Variants in KCNA6 observed in about 807,000 individuals in gnomAD.
KCNA6 encodes human brain potassium channel-2.
A neutral mutation model predicts 29.5 loss-of-function variants in KCNA6; 17 were observed. The observed-to-expected ratio is 0.58, with a 90% CI of 0.39 to 0.86. KCNA6 has a LOEUF of 0.86. Ranked by LOEUF, KCNA6 falls within the 40% of genes least tolerant of loss-of-function variation. The pLI is 0.00. For synonymous variants in KCNA6, 296 were observed against 304.7 expected (o/e 0.97, Z 0.30); for missense variants, 450 against 703.4 (o/e 0.64, Z 4.07).
At chr12:4,843,872 G>A in the KCNA6 span, among the ~76,000 whole-genome samples, 1 of 152,072 alleles carries the variant, frequency 6.6e-6, no homozygotes, top group Non-Finnish European at 1.5e-5. Flanking sequence ...CCATTACCCA[G>A]TCACCTCCCA....
downstream of KCNA6, among the ~76,000 whole-genome samples, chr12:4,816,844 C>A (rs139932930): frequency 6.6e-6 from 1 of 152,072 alleles, no homozygotes; most frequent in Non-Finnish European, 1.5e-5. Flanking sequence ...TTCAATGATT[C>A]TCTCCCAGAC....
the KCNA6 span, among the ~76,000 whole-genome samples, chr12:4,819,110 G>A: frequency 0.22 from 33,708 of 151,942 alleles, 3,771 homozygotes; most frequent in South Asian, 0.33. Flanking sequence ...ATATACCCAC[G>A]TATATACACA....
the KCNA6 span, among the ~76,000 whole-genome samples, chr12:4,841,661 A>T: frequency 3.9e-5 from 6 of 152,236 alleles, no homozygotes; most frequent in African/African-American, 9.6e-5. Flanking sequence ...CCGGCATAGA[A>T]ACTCATACAA....
At chr12:4,825,819 T>C in the KCNA6 span, among the ~76,000 whole-genome samples, 2 of 152,268 alleles carry the variant, frequency 1.3e-5, no homozygotes, top group Non-Finnish European at 2.9e-5. Context: ...ACAGCTCTGA[T>C]GCACTCTGCC....
At chr12:4,834,350 G>T in the KCNA6 span, among the ~76,000 whole-genome samples, 1 of 152,164 alleles carries the variant, frequency 6.6e-6, no homozygotes, top group Admixed American at 6.5e-5. Flanking sequence ...GGGTGCAGAA[G>T]AAGAAACTTA....
rs759476915 is a variant in KCNA6, at chr12:4,810,503, G to C, written c.462G>C (p.Gln154His). Residue 154 changes from glutamine to histidine, a missense_variant, in exon 1 of 1, where the codon CAG becomes CAC. By Grantham distance (24) the Gln-to-His change is conservative. This residue lies in a region of KCNA6 where 133 missense variants were observed against 217.5 expected (regional missense o/e 0.61). Coordinates refer to ENST00000280684, the Ensembl canonical transcript of KCNA6. This position sits in a 1 kb window ranked among gnomAD's most constrained non-coding sequence, Gnocchi z 7.5. ...AGGACGAGAAGCCGCTGCCCTCCCA[G>C]CCCTTCCAGCGCCAGGTGTGGCTGC... 6.2e-7 allele frequency: 1 copy of C among 1,614,176 alleles called. No homozygotes were observed. The highest frequency in any genetic ancestry group is 2.2e-5 in the East Asian group (1 of 44,858).
the KCNA6 span, among the ~76,000 whole-genome samples, chr12:4,832,963 G>A: frequency 6.6e-6 from 1 of 152,102 alleles, no homozygotes; most frequent in Non-Finnish European, 1.5e-5. Context: ...TACGTCTTAA[G>A]TGTAGTTGGG....
chr12:4,833,117 G>T, the KCNA6 span, among the ~76,000 whole-genome samples: 3 of 152,104 alleles, frequency 2.0e-5, no homozygotes, highest in African/African-American at 7.2e-5. Flanking sequence ...CTTGAGGAAG[G>T]ACAGCTTCAG....
the KCNA6 span, among the ~76,000 whole-genome samples, chr12:4,824,052 C>G: frequency 6.6e-6 from 1 of 152,154 alleles, no homozygotes; most frequent in South Asian, 2.1e-4. Context: ...CTGTGTGACC[C>G]GGGGAGAGTT....
At chr12:4,827,386 G>A in the KCNA6 span, among the ~76,000 whole-genome samples, 4 of 151,988 alleles carry the variant, frequency 2.6e-5, no homozygotes, top group Non-Finnish European at 5.9e-5. Flanking sequence ...CCTTGGTTTT[G>A]GCCGTTTCAA....
chr12:4,824,044 G>T, the KCNA6 span, among the ~76,000 whole-genome samples: 1 of 152,174 alleles, frequency 6.6e-6, no homozygotes, highest in Non-Finnish European at 1.5e-5. Context: ...GTGTCTGCCT[G>T]TGTGACCCGG....
Position 4,811,790 on chromosome 12 carries a change from T to A in KCNA6, c.*159T>A. On this transcript the variant is annotated 3_prime_UTR_variant, in exon 1 of 1. Transcript: ENST00000280684. This position sits in a 1 kb window ranked among gnomAD's most constrained non-coding sequence, Gnocchi z 7.1. Reference sequence around the variant, plus strand: ...GGACCAAATACCTGGACTATCAACCTTGTTGCTTAATCCCTGCAGCATTCA... The same window carrying A: ...GGACCAAATACCTGGACTATCAACCATGTTGCTTAATCCCTGCAGCATTCA... 1 of 802,838 alleles carries A rather than the reference T, an allele frequency of 1.2e-6. No homozygotes were observed. The allele number at this position is 802,838 out of a possible 1,614,324, so 49.7% of individuals were successfully genotyped here.
rs137877791 is a variant in KCNA6, at chr12:4,810,761, T to A, written c.720T>A (p.Pro240=). The change falls in exon 1 of 1, where the codon CCT becomes CCA. Residue 240 remains proline (P), a synonymous_variant. Transcript: ENST00000280684. This position sits in a 1 kb window ranked among gnomAD's most constrained non-coding sequence, Gnocchi z 7.5. Reference sequence around the variant, plus strand: ...ACACATTTCATCATGGCATCACCCCTGGGGAAATGGGGACCGGGGGCTCCT... The same window carrying A: ...ACACATTTCATCATGGCATCACCCCAGGGGAAATGGGGACCGGGGGCTCCT... 6.2e-7 allele frequency: 1 copy of A among 1,600,762 alleles called. No homozygotes were observed. Among genetic ancestry groups the A allele is most frequent in the Non-Finnish European group, 8.5e-7 (1 of 1,173,698 alleles).
the KCNA6 span, among the ~76,000 whole-genome samples, chr12:4,847,183 T>C: frequency 6.6e-6 from 1 of 152,028 alleles, no homozygotes; most frequent in East Asian, 1.9e-4. Flanking sequence ...ACCACCCCCA[T>C]TGTCTTCTAG....
At chr12:4,830,084 C>T in the KCNA6 span, among the ~76,000 whole-genome samples, 1 of 152,214 alleles carries the variant, frequency 6.6e-6, no homozygotes, top group Non-Finnish European at 1.5e-5. Flanking sequence ...TCTTCCCCTT[C>T]TCAGCCACAT....
chr12:4,827,231 C>T, the KCNA6 span, among the ~76,000 whole-genome samples: 844 of 136,410 alleles, frequency 6.2e-3, 4 homozygotes, highest in Middle Eastern at 0.021. Flanking sequence ...CTTCCTTCCT[C>T]CTTCCTTCCT....
Position 4,810,266 on chromosome 12 carries a change from C to G in KCNA6, c.225C>G (p.Arg75=), listed in dbSNP as rs1269249570. 6.2e-7 allele frequency: 1 copy of G among 1,613,930 alleles called. No individual in the cohort carries two copies. Among genetic ancestry groups the G allele is most frequent in the East Asian group, 2.2e-5 (1 of 44,886 alleles). ...TCGGAGACCCTGGCCGGCGAGTCCG[C>G]TTCTTCGACCCCCTGAGGAACGAGT... Residue 75 remains arginine, a synonymous_variant, in exon 1 of 1, where the codon CGC becomes CGG. Transcript: ENST00000280684. The surrounding 1 kb of genome is among the most constrained non-coding windows in gnomAD (Gnocchi z 7.5).
the KCNA6 span, among the ~76,000 whole-genome samples, chr12:4,838,085 C>T: frequency 2.0e-4 from 31 of 152,272 alleles, no homozygotes; most frequent in Admixed American, 1.7e-3. Flanking sequence ...TGACTGCCTT[C>T]GGCTGCAGGG....
the KCNA6 span, among the ~76,000 whole-genome samples, chr12:4,833,913 CCTT>C: frequency 5.5e-5 from 8 of 145,264 alleles, no homozygotes; most frequent in Middle Eastern, 3.2e-3. Flanking sequence ...TTCTTCGTCT[CCTT>C]CTTTTTTAAA....
Sources: gnomAD v4.1 joint callset for allele counts (sites outside exome capture counted in the v4.1 genomes callset) on GRCh38, gnomAD v4.1.1 for gene constraint, gnomAD v4.1.1 regional missense constraint, Gnocchi (gnomAD v3.1) non-coding constraint, MANE v1.5 for transcripts, NCBI Gene and HGNC (gene_info 2026-07-23, HGNC 2026-07-21) for gene names.